Variants in NAA35 observed in about 807,000 individuals in gnomAD.
NAA35 encodes N-alpha-acetyltransferase 35, NatC auxiliary subunit.
NAA35 carries 18 observed loss-of-function variants against 101.7 expected under a neutral mutation model. The ratio of observed to expected loss-of-function variants is 0.18; its 90% CI spans 0.12 to 0.26. The LOEUF is 0.26. Ranked by LOEUF, NAA35 falls within the 10% of genes least tolerant of loss-of-function variation. The probability of loss-of-function intolerance (pLI) is 1.00; values close to 1 mark genes in which losing one functional copy is unlikely to be tolerated. For synonymous variants in NAA35, 267 were observed against 273.1 expected (o/e 0.98, Z 0.22); for missense variants, 601 against 886.8 (o/e 0.68, Z 4.09).
chr9:85,954,022 C>T lies in NAA35; in HGVS notation c.125-2338C>T, dbSNP rs191710091. Among the ~76,000 whole-genome samples the T allele has an allele frequency of 2.9e-3, 437 of 152,246 alleles. 5 individuals are homozygous for T. The South Asian group carries it at 0.033, about 12-fold the overall frequency. Reference sequence around the variant, plus strand: ...AGTACCTCTTTGAGACTGTTTTCAACTTTTCTGGGTATATGCTCAGAATTT... The same window carrying T: ...AGTACCTCTTTGAGACTGTTTTCAATTTTTCTGGGTATATGCTCAGAATTT... On this transcript the variant is annotated intron_variant, in intron 2 of 22. Coordinates refer to ENST00000361671, the MANE Select transcript of NAA35 (RefSeq NM_024635.4).
At chr9:85,982,351 A>T (rs1830471587) in intron 11 of NAA35, among the ~76,000 whole-genome samples, 2 of 152,210 alleles carry the variant, frequency 1.3e-5, no homozygotes, top group South Asian at 4.1e-4. Context: ...AAAAAAATCC[A>T]GTGAAACTGA....
intron 11 of NAA35, among the ~76,000 whole-genome samples, chr9:85,993,004 T>G (rs140055535): frequency 2.9e-4 from 44 of 152,348 alleles, no homozygotes; most frequent in African/African-American, 9.1e-4. Context: ...GTGCTTTTGA[T>G]ATGTGAATGG....
intron 11 of NAA35, among the ~76,000 whole-genome samples, chr9:85,996,098 C>G (rs891336214): frequency 6.6e-6 from 1 of 152,046 alleles, no homozygotes; most frequent in African/African-American, 2.4e-5. Context: ...ATATACTGAC[C>G]CTATTTTATC....
intron 2 of NAA35, among the ~76,000 whole-genome samples, chr9:85,953,483 A>G (rs756321811): frequency 2.1e-4 from 32 of 152,136 alleles, no homozygotes; most frequent in Admixed American, 1.2e-3. Flanking sequence ...ATGGAGTGCA[A>G]TGGTGCAATC....
At chr9:85,975,467 A>G (rs1475844270) in intron 8 of NAA35, among the ~76,000 whole-genome samples, 1 of 152,172 alleles carries the variant, frequency 6.6e-6, no homozygotes, top group Non-Finnish European at 1.5e-5. Context: ...AGTCTCTTAT[A>G]TACAATGGTG....
Position 85,941,250 on chromosome 9 carries a change from C to T in NAA35, c.-29C>T. ...CCGTGGTCCGGACAGTGCGTGGCGG[C>T]GCGGGTGACCACGGGAGAAGTAGGT... On this transcript the variant is annotated 5_prime_UTR_variant, in exon 1 of 23. Transcript: ENST00000361671. The T allele has an allele frequency of 2.0e-6, 2 of 985,876 alleles. No individual in the cohort carries two copies. The highest frequency in any genetic ancestry group is 2.4e-6 in the Non-Finnish European group (2 of 830,236). 61.1% of individuals were successfully genotyped at this position (985,876 alleles called of 1,614,324 possible). A position where few individuals can be genotyped will look rare whatever the true frequency, so the allele number is the denominator to read the frequency against.
chr9:85,973,728 T>C (rs1303393403), intron 6 of NAA35, among the ~76,000 whole-genome samples: 1 of 151,876 alleles, frequency 6.6e-6, no homozygotes, highest in Non-Finnish European at 1.5e-5. Flanking sequence ...TAAGCTTATA[T>C]AGCTCTGTAA....
chr9:86,012,403 C>T (rs549151008), intron 15 of NAA35, among the ~76,000 whole-genome samples: 2 of 152,202 alleles, frequency 1.3e-5, no homozygotes, highest in South Asian at 2.1e-4. Flanking sequence ...CCACTGTGCC[C>T]GACCCAACTT....
At chr9:85,977,779 AC>A (rs981259693) in intron 10 of NAA35, among the ~76,000 whole-genome samples, 6 of 152,150 alleles carry the variant, frequency 3.9e-5, no homozygotes, top group Admixed American at 2.0e-4. Context: ...TTTGTATAGA[AC>A]CAAAAGCAAG....
At chr9:85,976,924 T>A (rs1830235935) in intron 9 of NAA35, among the ~76,000 whole-genome samples, 189 bp downstream of exon 9, 1 of 152,126 alleles carries the variant, frequency 6.6e-6, no homozygotes. Flanking sequence ...TTCAAATAGA[T>A]GATTTCAAAA....
At position 86,013,787 on chromosome 9, in the gene NAA35, C is replaced by T. The variant is rs763524586; in HGVS notation, c.1458C>T (p.Ala486=). 6.2e-7 allele frequency: 1 copy of T among 1,614,110 alleles called. No homozygotes were observed. Among genetic ancestry groups the T allele is most frequent in the South Asian group, 1.1e-5 (1 of 91,076 alleles). The change falls in exon 17 of 23, where the codon GCC becomes GCT. Residue 486 remains alanine, a synonymous_variant. Coordinates refer to ENST00000361671, the MANE Select transcript of NAA35 (RefSeq NM_024635.4). The part of the protein sequence containing the change: ...LKQEPQRQHL[A]CLGTWVLYHN... ...AGGAACCCCAAAGGCAACATTTGGC[C>T]TGTTTAGGTACCTGGGTCCTTTACC...
Position 86,022,230 on chromosome 9 carries a change from C to A in NAA35, c.*270C>A, listed in dbSNP as rs186494878. 4 of 272,002 alleles carry A rather than the reference C, an allele frequency of 1.5e-5. No homozygotes were observed. Among genetic ancestry groups the A allele is most frequent in the East Asian group, 1.5e-4 (2 of 12,954 alleles). 16.8% of individuals were successfully genotyped at this position (272,002 alleles called of 1,614,324 possible). ...TTTTATTACAGATTTAATCACAAAT[C>A]ATTTTTTATGAATGATTGAGTGAAA... On this transcript the variant is annotated 3_prime_UTR_variant, in exon 23 of 23. Coordinates refer to ENST00000361671, the MANE Select transcript of NAA35 (RefSeq NM_024635.4).
At chr9:85,981,606 G>GACAC (rs1830443421) in intron 11 of NAA35, among the ~76,000 whole-genome samples, 1 of 152,134 alleles carries the variant, frequency 6.6e-6, no homozygotes, top group Admixed American at 6.5e-5. Context: ...ATAGTGTGCT[G>GACAC]ACAGGCTTCA....
chr9:86,021,985 A>AG lies in NAA35; in HGVS notation c.*29dup, dbSNP rs755292676. The AG allele has an allele frequency of 6.3e-7, 1 of 1,596,788 alleles. No individual in the cohort carries two copies. Among genetic ancestry groups the AG allele is most frequent in the Non-Finnish European group, 8.6e-7 (1 of 1,165,472 alleles). On this transcript the variant is annotated 3_prime_UTR_variant, in exon 23 of 23. Coordinates refer to ENST00000361671, the MANE Select transcript of NAA35 (RefSeq NM_024635.4). ...AGAGAGACTGGGGAGGTGGCCATAA[A>AG]GGGGCAGAGTCTTCTTTCAGACCCA...
chr9:85,962,245 G>A lies in NAA35; in HGVS notation c.516+65G>A. 4.0e-6 allele frequency: 6 copies of A among 1,516,318 alleles called. No individual in the cohort carries two copies. In the South Asian group the frequency reaches 7.3e-5, roughly 18 times the overall value. 93.9% of individuals were successfully genotyped at this position (1,516,318 alleles called of 1,614,324 possible). ...GTGGCTCATGCCTGTAATCTCAGCA[G>A]TTTGGGAGGCCAAGGTGGGCAGATC... is the stretch of plus-strand genomic sequence containing the variant. On this transcript the variant is annotated intron_variant, in intron 6 of 22. Transcript: ENST00000361671.
At chr9:85,955,355 TATATA>T (rs1464659226) in intron 2 of NAA35, among the ~76,000 whole-genome samples, 76 of 61,178 alleles carry the variant, frequency 1.2e-3, no homozygotes, top group South Asian at 2.7e-3. Flanking sequence ...TATATATATA[TATATA>T]TTTTTTTTTT....
chr9:85,972,856 T>A (rs1206402727), intron 6 of NAA35, among the ~76,000 whole-genome samples: 1 of 152,170 alleles, frequency 6.6e-6, no homozygotes, highest in Non-Finnish European at 1.5e-5. Context: ...ATAGGTGAAG[T>A]AGTAAATAAA....
chr9:85,948,051 C>T lies in NAA35; in HGVS notation c.124+5768C>T, dbSNP rs534388350. Among the ~76,000 whole-genome samples the T allele has an allele frequency of 5.9e-5, 9 of 152,250 alleles. No individual in the cohort carries two copies. In the East Asian group the frequency reaches 1.5e-3, roughly 26 times the overall value. ...GTTTCTAGAAGACACTGCGTTCCTC[C>T]TTTTAGCTGGTTATTTTGATATTTA... On this transcript the variant is annotated intron_variant, in intron 2 of 22. Coordinates refer to ENST00000361671, the MANE Select transcript of NAA35 (RefSeq NM_024635.4).
At chr9:86,011,127 A>G (rs143344060) in intron 15 of NAA35, among the ~76,000 whole-genome samples, 8,164 of 150,528 alleles carry the variant, frequency 0.054, 271 homozygotes, top group Middle Eastern at 0.12. Flanking sequence ...CTGTAATCCC[A>G]GCTACTCAGG....
Sources: gnomAD v4.1 joint callset for allele counts (sites outside exome capture counted in the v4.1 genomes callset) on GRCh38, gnomAD v4.1.1 for gene constraint, MANE v1.5 for transcripts, NCBI Gene and HGNC (gene_info 2026-07-23, HGNC 2026-07-21) for gene names.